The following NODAL variants were observed in gnomAD, a reference collection of about 807,000 sequenced individuals.
The protein encoded by NODAL is nodal homolog.
NODAL carries 12 observed loss-of-function variants against 34.0 expected under a neutral mutation model. The ratio of observed to expected loss-of-function variants is 0.35; its 90% CI spans 0.23 to 0.57. NODAL has a LOEUF of 0.57. NODAL is among the 20% of genes least tolerant of loss of function. The pLI is 0.83. For missense variants in NODAL, 390 were observed against 444.2 expected, an observed-to-expected ratio of 0.88 and a Z score of 1.10; for synonymous variants, 162 against 186.4, an observed-to-expected ratio of 0.87 and a Z score of 1.07.
chr10:70,443,718 A>C (rs1845457143), upstream of NODAL, among the ~76,000 whole-genome samples: 1 of 151,872 alleles, frequency 6.6e-6, no homozygotes, highest in Admixed American at 6.6e-5. Context: ...ACATGCCTGT[A>C]ATCCCAGCTA....
Position 70,435,743 on chromosome 10 carries a change from G to A in NODAL, c.434C>T (p.Thr145Ile), listed in dbSNP as rs760997424. The change falls in exon 2 of 3, where the codon ACC (threonine) becomes ATC (isoleucine). Residue 145 changes from threonine to isoleucine, a missense_variant. By Grantham distance (89) the Thr-to-Ile change is moderately conservative. Transcript: ENST00000287139. ...DLFTVTLSQV[T>I]FSLGSMVLEV... ...CAAAACCATGCTGCCCAAGGAAAAG[G>A]TGACCTGGGACAAAGTGACAGTGAA... The A allele has an allele frequency of 7.4e-6, 12 of 1,614,088 alleles. No homozygotes were observed. Among genetic ancestry groups the A allele is most frequent in the Non-Finnish European group, 6.8e-6 (8 of 1,180,040 alleles).
intron 1 of NODAL, chr10:70,436,550 C>CAACAAGAG (rs1554850179): frequency 3.0e-5 from 1 of 32,814 alleles, no homozygotes; most frequent in Non-Finnish European, 6.9e-5. Context: ...AAGAGTGAAA[C>CAACAAGAG]TCTGTCTCAA....
chr10:70,441,788 G>A (rs1845435802), upstream of NODAL: 3 of 1,059,060 alleles, frequency 2.8e-6, no homozygotes, highest in Admixed American at 4.3e-5. Context: ...CCCCCCTCCG[G>A]AGGGTGGGGG....
chr10:70,436,015 G>T (rs368450734), intron 1 of NODAL, 32 bp from the exon 2 acceptor site: 11 of 1,572,768 alleles, frequency 7.0e-6, no homozygotes, highest in Non-Finnish European at 9.6e-6. Context: ...AGGAAGGAGG[G>T]TGAGTGAGGG....
At position 70,435,756 on chromosome 10, in the gene NODAL, A is replaced by G. The variant is rs1845342798; in HGVS notation, c.421T>C (p.Leu141=). The G allele has an allele frequency of 1.9e-6, 3 of 1,614,210 alleles. No individual in the cohort carries two copies. Among genetic ancestry groups the G allele is most frequent in the Non-Finnish European group, 1.7e-6 (2 of 1,180,042 alleles). Residue 141 remains leucine, a synonymous_variant, in exon 2 of 3, where the codon TTG becomes CTG. Transcript: ENST00000287139. ...CCCAAGGAAAAGGTGACCTGGGACA[A>G]AGTGACAGTGAATAGGTCCATCTGA... ...RFQMDLFTVT[L]SQVTFSLGSM... is the part of the protein sequence containing the mutation.
chr10:70,440,720 T>C (rs1168931200), intron 1 of NODAL, among the ~76,000 whole-genome samples: 1 of 152,146 alleles, frequency 6.6e-6, no homozygotes, highest in African/African-American at 2.4e-5. Flanking sequence ...CTGCCGTCCT[T>C]GACACCCACT....
chr10:70,437,857 C>G (rs1845376230), intron 1 of NODAL, among the ~76,000 whole-genome samples: 1 of 152,170 alleles, frequency 6.6e-6, no homozygotes, highest in African/African-American at 2.4e-5. Context: ...TTTCCACTTC[C>G]CTCCTCATTA....
intron 1 of NODAL, among the ~76,000 whole-genome samples, chr10:70,437,792 C>A (rs1845375610): frequency 6.6e-6 from 1 of 152,130 alleles, no homozygotes; most frequent in Admixed American, 6.5e-5. Context: ...CACTCCCAAT[C>A]TCAGCCTCAT....
chr10:70,435,794 C>T lies in NODAL; in HGVS notation c.383G>A (p.Cys128Tyr), dbSNP rs1845344075. 6.2e-7 allele frequency: 1 copy of T among 1,614,022 alleles called. No homozygotes were observed. The highest frequency in any genetic ancestry group is 8.5e-7 in the Non-Finnish European group (1 of 1,180,062). ...KPDTEQASDS[C>Y]LERFQMDLFT... ...TAGGTCCATCTGAAACCGCTCTAAG[C>T]AGCTGTCTGAAGCCTGCTCTGTGTC... Residue 128 changes from cysteine (C) to tyrosine (Y), a missense_variant, in exon 2 of 3, where the codon TGC becomes TAC. Coordinates refer to ENST00000287139, the MANE Select transcript of NODAL (RefSeq NM_018055.5).
At position 70,435,713 on chromosome 10, in the gene NODAL, A is replaced by G; in HGVS notation, c.464T>C (p.Val155Ala). ...TFSLGSMVLEVTRPLSKWLKH... is the reference protein window; with the variant it reads ...TFSLGSMVLEATRPLSKWLKH... The stretch of plus-strand genomic sequence containing the variant: ...CAGCCACTTGGAGAGAGGCCTGGTC[A>G]CCTCCAAAACCATGCTGCCCAAGGA... The change falls in exon 2 of 3, where the codon GTG becomes GCG. Residue 155 changes from valine (V) to alanine (A), a missense_variant. Val to Ala is a moderately conservative substitution (Grantham distance 64). Transcript: ENST00000287139. 1 of 1,614,180 alleles carries G rather than the reference A, an allele frequency of 6.2e-7. No individual in the cohort carries two copies. The highest frequency in any genetic ancestry group is 1.1e-5 in the South Asian group (1 of 91,084).
upstream of NODAL, among the ~76,000 whole-genome samples, chr10:70,444,368 C>T (rs572226671): frequency 6.8e-6 from 1 of 147,642 alleles, no homozygotes; most frequent in South Asian, 2.1e-4. Context: ...TTCACTTTGT[C>T]ACCCAGGCTA....
At chr10:70,441,694 C>A (rs1403719487), upstream of NODAL, 6 of 1,547,542 alleles carry the variant, frequency 3.9e-6, no homozygotes, top group Non-Finnish European at 5.2e-6. Flanking sequence ...CTGAAAGCAG[C>A]ACCTCCAGCC....
Position 70,432,937 on chromosome 10 carries a change from C to T in NODAL, c.1043G>A (p.Ter348=). ...ATCCAGTCTCCCTCCAGGATGTCAT[C>T]AGAGGCACCCACATTCTTCCACGAT... is the stretch of plus-strand genomic sequence containing the variant. ...DMIVEECGCL[*] is the part of the protein sequence containing the mutation. The change falls in exon 3 of 3, where the codon TGA becomes TAA. Residue 348 remains the stop codon, a stop_retained_variant. Transcript: ENST00000287139. The T allele has an allele frequency of 6.2e-7, 1 of 1,614,168 alleles. No individual in the cohort carries two copies. The highest frequency in any genetic ancestry group is 8.5e-7 in the Non-Finnish European group (1 of 1,180,030).
chr10:70,443,505 T>A (rs1342963902), upstream of NODAL, among the ~76,000 whole-genome samples: 1 of 151,610 alleles, frequency 6.6e-6, no homozygotes, highest in Non-Finnish European at 1.5e-5. Flanking sequence ...CTGGTCAACA[T>A]AGCAAGACCC....
chr10:70,446,264 G>A (rs944245102), upstream of NODAL, among the ~76,000 whole-genome samples: 11 of 152,202 alleles, frequency 7.2e-5, no homozygotes, highest in African/African-American at 2.7e-4. Flanking sequence ...GAGGTTCTCA[G>A]ATGCTTTCCA....
intron 1 of NODAL, among the ~76,000 whole-genome samples, chr10:70,447,170 T>A (rs1048271944): frequency 1.3e-5 from 2 of 150,416 alleles, no homozygotes; most frequent in Non-Finnish European, 3.0e-5. Flanking sequence ...GCCTCCCAGG[T>A]TCAAGTGATT....
intron 1 of NODAL, among the ~76,000 whole-genome samples, 196 bp downstream of exon 1, chr10:70,441,279 C>T (rs2132220277): frequency 6.6e-6 from 1 of 152,390 alleles, no homozygotes; most frequent in Admixed American, 6.5e-5. Context: ...CGCCCCCAGC[C>T]ACCAACGCTG....
upstream of NODAL, among the ~76,000 whole-genome samples, chr10:70,444,353 A>T: frequency 7.3e-6 from 1 of 137,868 alleles, no homozygotes. Context: ...TTTTTGAGAC[A>T]GGGTTTCACT....
At chr10:70,438,435 C>T (rs1251447684) in intron 1 of NODAL, among the ~76,000 whole-genome samples, 3 of 152,236 alleles carry the variant, frequency 2.0e-5, no homozygotes, top group Non-Finnish European at 4.4e-5. Flanking sequence ...TACTTTCCTT[C>T]TCTGAGCCTC....
Sources: gnomAD v4.1 joint callset for allele counts (sites outside exome capture counted in the v4.1 genomes callset) on GRCh38, gnomAD v4.1.1 for gene constraint, MANE v1.5 for transcripts, NCBI Gene and HGNC (gene_info 2026-07-23, HGNC 2026-07-21) for gene names.